CFAP299: variants seen among roughly 807,000 people sequenced by gnomAD.
CFAP299 encodes the protein cilia- and flagella-associated protein 299.
A neutral mutation model predicts 27.0 loss-of-function variants in CFAP299; 21 were observed. The observed-to-expected ratio is 0.78, with a 90% CI of 0.55 to 1.12. The LOEUF (loss-of-function observed/expected upper bound fraction) is 1.12, where lower values mean the gene tolerates loss of function less well. CFAP299 is among the 50% of genes most tolerant of loss of function. The pLI, the probability that CFAP299 is intolerant of heterozygous loss-of-function variation, is 0.00. For missense variants in CFAP299, 310 were observed against 276.6 expected (o/e 1.12, Z -0.86); for synonymous variants, 104 against 98.1 (o/e 1.06, Z -0.36).
At chr4:80,580,633 A>T (rs1736113663) in intron 2 of CFAP299, among the ~76,000 whole-genome samples, 1 of 151,970 alleles carries the variant, frequency 6.6e-6, no homozygotes, top group African/African-American at 2.4e-5. Context: ...TTGCTCAGAA[A>T]TTCTTTTCTT....
At chr4:80,596,263 A>G (rs535596895) in intron 3 of CFAP299, among the ~76,000 whole-genome samples, 27 of 152,190 alleles carry the variant, frequency 1.8e-4, no homozygotes, top group Non-Finnish European at 2.8e-4. Context: ...ACAGATGGCT[A>G]TGCAGTCTTT....
rs535371551 is a variant in CFAP299 at position 80,367,511 on chromosome 4, T to C, written c.242+4627T>C. 7.2e-5 allele frequency among the ~76,000 whole-genome samples: 11 copies of C among 152,320 alleles called. No individual in the cohort carries two copies. In the South Asian group the frequency reaches 2.3e-3, roughly 32 times the overall value. On this transcript the variant is annotated intron_variant, in intron 2 of 5. Coordinates refer to ENST00000358105, the MANE Select transcript of CFAP299 (RefSeq NM_152770.3). ...ACCTGTTCCTTCACTAAGGCCCTTT[T>C]TTCTCCAAAAACTATACCAACTAGA...
chr4:80,794,481 C>T (rs1727742249), intron 3 of CFAP299, among the ~76,000 whole-genome samples: 1 of 152,120 alleles, frequency 6.6e-6, no homozygotes, highest in South Asian at 2.1e-4. Context: ...GAGAACTTTA[C>T]CCCAGCCCTG....
intron 3 of CFAP299, among the ~76,000 whole-genome samples, chr4:80,668,673 A>G (rs898090938): frequency 1.3e-5 from 2 of 152,024 alleles, no homozygotes; most frequent in Admixed American, 6.6e-5. Context: ...TCTGTTTTTA[A>G]TGCCAGTATT....
At chr4:80,573,168 C>A (rs1035031045) in intron 2 of CFAP299, among the ~76,000 whole-genome samples, 5 of 152,086 alleles carry the variant, frequency 3.3e-5, no homozygotes, top group African/African-American at 1.2e-4. Flanking sequence ...GCCATTTTAA[C>A]TGGAATGAGA....
intron 4 of CFAP299, among the ~76,000 whole-genome samples, chr4:80,921,077 A>C (rs1350809036): frequency 6.6e-6 from 1 of 152,058 alleles, no homozygotes; most frequent in Non-Finnish European, 1.5e-5. Context: ...CCAAGCACCA[A>C]GCCCAGTTCT....
At chr4:80,577,655 C>T (rs1235836276) in intron 2 of CFAP299, among the ~76,000 whole-genome samples, 1 of 152,040 alleles carries the variant, frequency 6.6e-6, no homozygotes, top group African/African-American at 2.4e-5. Context: ...CACACCTCGG[C>T]CTCGCAAAAT....
intron 2 of CFAP299, 96 bp from the exon 3 acceptor site, chr4:80,582,997 G>C: frequency 6.1e-6 from 4 of 652,666 alleles, no homozygotes; most frequent in Non-Finnish European, 7.7e-6. Context: ...ATGTTGCAAG[G>C]AAATTGTCAC....
At chr4:80,785,775 T>A (rs987037330) in intron 3 of CFAP299, among the ~76,000 whole-genome samples, 1 of 152,068 alleles carries the variant, frequency 6.6e-6, no homozygotes, top group African/African-American at 2.4e-5. Context: ...GAATGGATAT[T>A]TTTTTCCCAA....
intron 4 of CFAP299, among the ~76,000 whole-genome samples, chr4:80,938,450 G>GCAT (rs2110225473): frequency 6.6e-6 from 1 of 152,246 alleles, no homozygotes; most frequent in African/African-American, 2.4e-5. Flanking sequence ...CTAGCCAAAC[G>GCAT]CATCACTTTA....
chr4:80,484,934 A>G (rs903607004), intron 2 of CFAP299, among the ~76,000 whole-genome samples: 4 of 152,198 alleles, frequency 2.6e-5, no homozygotes, highest in African/African-American at 9.6e-5. Flanking sequence ...GCTGTAAAGT[A>G]TGGAAGGAAT....
intron 2 of CFAP299, among the ~76,000 whole-genome samples, chr4:80,475,430 GCAGGA>G (rs1477058834): frequency 3.3e-5 from 5 of 152,246 alleles, no homozygotes; most frequent in Admixed American, 1.3e-4. Context: ...AAATAGAGTG[GCAGGA>G]CATACTGATG....
intron 3 of CFAP299, among the ~76,000 whole-genome samples, chr4:80,835,064 G>C (rs1730489373): frequency 6.6e-6 from 1 of 152,080 alleles, no homozygotes; most frequent in African/African-American, 2.4e-5. Flanking sequence ...CACTCTCCAA[G>C]TTCTGAGAAT....
chr4:80,902,475 T>TATATCTGAATATATACATATATAC (rs1560469733), intron 4 of CFAP299, among the ~76,000 whole-genome samples: 1 of 119,002 alleles, frequency 8.4e-6, no homozygotes, highest in Admixed American at 7.9e-5. Context: ...TGTATATATG[T>TATATCTGAATATATACATATATAC]ATATATGTAT....
intron 5 of CFAP299, among the ~76,000 whole-genome samples, chr4:80,955,648 T>C (rs1738028595): frequency 6.6e-6 from 1 of 152,192 alleles, no homozygotes; most frequent in South Asian, 2.1e-4. Context: ...TATTTACTGA[T>C]GTTGATGGAT....
chr4:80,801,696 A>G (rs1728614722), intron 3 of CFAP299, among the ~76,000 whole-genome samples: 2 of 152,120 alleles, frequency 1.3e-5, no homozygotes, highest in Admixed American at 6.6e-5. Flanking sequence ...CAAATTCTGT[A>G]CAGTTAAGGG....
chr4:80,507,491 A>G (rs191994834), intron 2 of CFAP299, among the ~76,000 whole-genome samples: 5 of 152,310 alleles, frequency 3.3e-5, no homozygotes, highest in African/African-American at 1.2e-4. Context: ...CATTAATTTT[A>G]TAAGACTAGG....
intron 3 of CFAP299, among the ~76,000 whole-genome samples, chr4:80,855,517 T>C (rs1365032035): frequency 6.6e-6 from 1 of 152,218 alleles, no homozygotes; most frequent in East Asian, 1.9e-4. Context: ...TAACTCGTCA[T>C]CTAGCATTAG....
Position 80,799,480 on chromosome 4 carries a change from T to C in CFAP299, c.334-70513T>C, listed in dbSNP as rs1295949983. On this transcript the variant is annotated intron_variant, in intron 3 of 5. Transcript: ENST00000358105. ...ATAATATATTTTATAAATATATATT[T>C]ATTAAATATATATAATATATTTTAT... is the stretch of plus-strand genomic sequence containing the variant. Among the ~76,000 whole-genome samples the C allele has an allele frequency of 4.5e-5, 4 of 88,782 alleles. No homozygotes were observed. In the South Asian group the frequency reaches 1.1e-3, roughly 24 times the overall value. 58.2% of individuals were successfully genotyped at this position (88,782 alleles called of 152,430 possible). A position where few individuals can be genotyped will look rare whatever the true frequency, so the allele number is the denominator to read the frequency against.
Sources: allele counts gnomAD v4.1 joint callset (sites outside exome capture counted in the v4.1 genomes callset), GRCh38; gene constraint gnomAD v4.1.1; transcripts MANE v1.5; gene names NCBI Gene and HGNC (gene_info 2026-07-23, HGNC 2026-07-21).